The following ESRRB variants were observed in gnomAD, a reference collection of about 807,000 sequenced individuals.
ESRRB encodes steroid hormone receptor ERR2.
ESRRB carries 16 observed loss-of-function variants against 46.0 expected under a neutral mutation model. That is an observed-to-expected ratio of 0.35 (90% CI 0.24 to 0.53). ESRRB has a LOEUF of 0.53. Among genes scored for constraint, ESRRB ranks in the 20% least tolerant of loss-of-function variants. The pLI, the probability that ESRRB is intolerant of heterozygous loss-of-function variation, is 0.93. For synonymous variants in ESRRB, 246 were observed against 259.6 expected (o/e 0.95, Z 0.50); for missense variants, 488 against 607.4 (o/e 0.80, Z 2.07).
rs1161537734 is a variant in ESRRB, at chr14:76,499,847, C to T, written c.*1389C>T. 1 of 1,607,422 alleles carries T rather than the reference C, an allele frequency of 6.2e-7. No homozygotes were observed. Among genetic ancestry groups the T allele is most frequent in the South Asian group, 1.1e-5 (1 of 90,922 alleles). On this transcript the variant is annotated 3_prime_UTR_variant, in exon 7 of 7. Coordinates refer to ENST00000644823, the MANE Select transcript of ESRRB (RefSeq NM_001379180.1). ...TAACTCAAGGGGCAGCCCTGAACAC[C>T]CATTTGTGCTCACAGGTTGGCCAAG...
chr14:76,499,892 C>T lies in ESRRB; in HGVS notation c.*1434C>T, dbSNP rs1246612677. Reference sequence around the variant, plus strand: ...GCCAAGAGCAGCTTAGAGGATCTCCCAAGGATGAAAGAATGTCAAGCCATG... The same window carrying T: ...GCCAAGAGCAGCTTAGAGGATCTCCTAAGGATGAAAGAATGTCAAGCCATG... On this transcript the variant is annotated 3_prime_UTR_variant, in exon 7 of 7. Coordinates refer to ENST00000644823, the MANE Select transcript of ESRRB (RefSeq NM_001379180.1). 2 of 1,614,044 alleles carry T rather than the reference C, an allele frequency of 1.2e-6. No homozygotes were observed. The highest frequency in any genetic ancestry group is 2.2e-5 in the East Asian group (1 of 44,884).
intron 6 of ESRRB, among the ~76,000 whole-genome samples, chr14:76,493,403 C>T (rs1455341206): frequency 6.6e-6 from 1 of 152,180 alleles, no homozygotes; most frequent in African/African-American, 2.4e-5. Flanking sequence ...GATCCACCCG[C>T]CTTGGCATCC....
At chr14:76,415,014 C>T (rs545069299) in intron 1 of ESRRB, among the ~76,000 whole-genome samples, 4 of 152,320 alleles carry the variant, frequency 2.6e-5, no homozygotes, top group South Asian at 2.1e-4. Flanking sequence ...GTTTGTGAGT[C>T]GCCCATCCAT....
chr14:76,464,349 C>G (rs1312175226), intron 3 of ESRRB, among the ~76,000 whole-genome samples: 1 of 152,206 alleles, frequency 6.6e-6, no homozygotes, highest in African/African-American at 2.4e-5. Flanking sequence ...GATAAGGGCC[C>G]AGACCTAAGA....
At chr14:76,429,128 G>A (rs1056901047) in intron 1 of ESRRB, among the ~76,000 whole-genome samples, 2 of 151,950 alleles carry the variant, frequency 1.3e-5, no homozygotes, top group Admixed American at 6.6e-5. Flanking sequence ...AGAGGGTATT[G>A]GGGGGCTGCT....
chr14:76,476,167 C>T (rs1428665988), intron 3 of ESRRB, among the ~76,000 whole-genome samples: 1 of 151,808 alleles, frequency 6.6e-6, no homozygotes, highest in Non-Finnish European at 1.5e-5. Flanking sequence ...TCCGTCTGCA[C>T]AGGGTCATGT....
intron 1 of ESRRB, among the ~76,000 whole-genome samples, chr14:76,351,623 G>A (rs1377289403): frequency 6.6e-6 from 1 of 152,168 alleles, no homozygotes; most frequent in Non-Finnish European, 1.5e-5. Context: ...CTTTTCGAGG[G>A]ATGCAATTCA....
At chr14:76,350,865 A>G (rs1196203300) in intron 1 of ESRRB, among the ~76,000 whole-genome samples, 1 of 152,202 alleles carries the variant, frequency 6.6e-6, no homozygotes. Context: ...AACAGGCAGT[A>G]CATCAGTGAC....
At chr14:76,416,680 G>C (rs902518683) in intron 1 of ESRRB, among the ~76,000 whole-genome samples, 10 of 151,588 alleles carry the variant, frequency 6.6e-5, no homozygotes, top group Admixed American at 1.3e-4. Flanking sequence ...TGTTGGCCAG[G>C]CTGGTCTCGA....
chr14:76,348,278 ACCCAGC>A (rs1360262778), intron 1 of ESRRB, among the ~76,000 whole-genome samples: 2 of 152,146 alleles, frequency 1.3e-5, no homozygotes, highest in Admixed American at 6.5e-5. Flanking sequence ...TCAGCACCAG[ACCCAGC>A]CCTGTGGTGG....
chr14:76,402,724 G>A (rs1021108965), intron 1 of ESRRB, among the ~76,000 whole-genome samples: 3 of 152,042 alleles, frequency 2.0e-5, no homozygotes, highest in African/African-American at 7.2e-5. Flanking sequence ...TTTGAAATGC[G>A]GGTCTCGCTA....
chr14:76,429,608 G>A (rs530220967), intron 1 of ESRRB, among the ~76,000 whole-genome samples: 2 of 152,208 alleles, frequency 1.3e-5, no homozygotes, highest in Admixed American at 6.5e-5. Flanking sequence ...AAATTAACTG[G>A]GTGTGGTGGC....
intron 1 of ESRRB, among the ~76,000 whole-genome samples, chr14:76,315,703 A>G (rs1883792015): frequency 2.0e-5 from 3 of 152,160 alleles, no homozygotes; most frequent in Admixed American, 2.0e-4. Flanking sequence ...CACACCTTCC[A>G]CTAAGGGGAT....
chr14:76,396,821 G>A lies in ESRRB; in HGVS notation c.50+20370G>A, dbSNP rs565384153. Among the ~76,000 whole-genome samples the A allele has an allele frequency of 3.8e-3, 580 of 152,348 alleles. 1 individual carries two copies. The highest frequency in any genetic ancestry group is 5.8e-3 in the Non-Finnish European group (392 of 68,028). On this transcript the variant is annotated intron_variant, in intron 1 of 6. Transcript: ENST00000644823. ...GCCAGCGCTGGCGGTAGATGCAGCAGCCAGGCTCGGCCTGGGTTGGCAAGG... is the reference window on the plus strand; with the variant it reads ...GCCAGCGCTGGCGGTAGATGCAGCAACCAGGCTCGGCCTGGGTTGGCAAGG...
chr14:76,440,684 T>C (rs997705312), intron 2 of ESRRB, among the ~76,000 whole-genome samples: 5 of 151,340 alleles, frequency 3.3e-5, no homozygotes, highest in African/African-American at 1.2e-4. Flanking sequence ...TTCCTTCCTT[T>C]CTCTCTCTCA....
In ESRRB at chr14:76,314,886, C is replaced by G. The variant is rs75250393; in HGVS notation, c.2+3970C>G. ...CCTGGAGAGAGATTTCCTTCTTCAG[C>G]TTGGAAAGGGAGGGCAGGAATCCCT... is the stretch of plus-strand genomic sequence containing the variant. On this transcript the variant is annotated intron_variant, in intron 1 of 6. Coordinates refer to the ESRRB transcript ENST00000512784. Among the ~76,000 whole-genome samples, 448 of 152,146 alleles carry G rather than the reference C, an allele frequency of 2.9e-3. 15 individuals are homozygous for G. In the East Asian group the frequency reaches 0.08, roughly 27 times the overall value.
At chr14:76,322,042 G>C (rs561228022) in intron 1 of ESRRB, among the ~76,000 whole-genome samples, 2 of 152,170 alleles carry the variant, frequency 1.3e-5, no homozygotes, top group South Asian at 4.1e-4. Context: ...AGGCAACCAC[G>C]TGAATACCCT....
chr14:76,368,476 A>T, upstream of ESRRB, among the ~76,000 whole-genome samples: 1 of 152,214 alleles, frequency 6.6e-6, no homozygotes, highest in East Asian at 1.9e-4. Context: ...GTCTCTCTGC[A>T]TCACTGCTCT....
chr14:76,440,718 T>C (rs1007551866), intron 2 of ESRRB, among the ~76,000 whole-genome samples: 19 of 151,178 alleles, frequency 1.3e-4, no homozygotes, highest in Non-Finnish European at 3.0e-5. Flanking sequence ...TCTTTCTCTC[T>C]CTCTTTCTCT....
Sources: allele counts gnomAD v4.1 joint callset (sites outside exome capture counted in the v4.1 genomes callset), GRCh38; gene constraint gnomAD v4.1.1; transcripts MANE v1.5; gene names NCBI Gene and HGNC (gene_info 2026-07-23, HGNC 2026-07-21).